Variants in SALL4 observed in about 807,000 individuals in gnomAD.
SALL4 encodes spalt like transcription factor 4, also known as sal-like protein 4.
SALL4 carries 4 observed loss-of-function variants against 60.8 expected under a neutral mutation model. That is an observed-to-expected ratio of 0.07 (90% CI 0.03 to 0.15). SALL4 has a LOEUF of 0.15. SALL4 is among the 10% of genes least tolerant of loss of function. The probability of loss-of-function intolerance (pLI) is 1.00; values close to 1 mark genes in which losing one functional copy is unlikely to be tolerated. For synonymous variants in SALL4, 580 were observed against 574.9 expected, an observed-to-expected ratio of 1.01 and a Z score of -0.13; for missense variants, 1,178 against 1,394.7, an observed-to-expected ratio of 0.84 and a Z score of 2.48.
rs1165905764 is a variant in SALL4, at chr20:51,783,780, TGGGAGGCCAA to T, written c.*475_*484del. 6.0e-6 allele frequency: 1 copy of T among 167,252 alleles called. No homozygotes were observed. The highest frequency in any genetic ancestry group is 5.6e-5 in the Admixed American group (1 of 17,906). The allele number at this position is 167,252 out of a possible 1,614,324, so 10.4% of individuals were successfully genotyped here. A position where few individuals can be genotyped will look rare whatever the true frequency, so the allele number is the denominator to read the frequency against. ...GCTCATGCCTGTAATCCCAGCACTT[TGGGAGGCCAA>T]GGCGGGTGGATCACGAGGTCAGCAG... On this transcript the variant is annotated 3_prime_UTR_variant, in exon 4 of 4. Transcript: ENST00000217086.
chr20:51,794,359 G>C (rs933318143), intron 1 of SALL4, among the ~76,000 whole-genome samples: 12 of 152,158 alleles, frequency 7.9e-5, no homozygotes, highest in Non-Finnish European at 1.8e-4. Flanking sequence ...TTCGAAACCA[G>C]CCTGACCAAT....
chr20:51,802,196 G>T (rs1213905170), intron 1 of SALL4, 83 bp downstream of exon 1: 3 of 1,469,650 alleles, frequency 2.0e-6, no homozygotes, highest in Non-Finnish European at 2.7e-6. Context: ...GACGCCGCCC[G>T]CTCCCCGAAG....
intron 1 of SALL4, among the ~76,000 whole-genome samples, chr20:51,794,027 G>T (rs983655832): frequency 2.0e-5 from 3 of 152,206 alleles, no homozygotes; most frequent in Non-Finnish European, 4.4e-5. Flanking sequence ...CTGGGCACGC[G>T]TAATCGCGAG....
chr20:51,784,392 G>A lies in SALL4; in HGVS notation c.3035C>T (p.Thr1012Ile). The change falls in exon 4 of 4, where the codon ACT (threonine) becomes ATT (isoleucine). Residue 1012 changes from threonine (T) to isoleucine (I), a missense_variant. Physicochemically the swap from Thr to Ile is moderately conservative, Grantham distance 89 (BLOSUM62 -1). Coordinates refer to ENST00000217086, the MANE Select transcript of SALL4 (RefSeq NM_020436.5). ...LGATSVVNNA[T>I]VSKMDGSQSG... Reference sequence around the variant, plus strand: ...CTGGGAGCCATCCATCTTGGAGACAGTGGCGTTATTCACAACGGAGGTGGC... The same window carrying A: ...CTGGGAGCCATCCATCTTGGAGACAATGGCGTTATTCACAACGGAGGTGGC... 4.3e-6 allele frequency: 7 copies of A among 1,614,222 alleles called. No homozygotes were observed. The highest frequency in any genetic ancestry group is 5.9e-6 in the Non-Finnish European group (7 of 1,180,038).
At chr20:51,800,044 G>T (rs977324411) in intron 1 of SALL4, among the ~76,000 whole-genome samples, 1 of 152,106 alleles carries the variant, frequency 6.6e-6, no homozygotes, top group Non-Finnish European at 1.5e-5. Flanking sequence ...CATTAAAAAC[G>T]CACTGCTTGG....
intron 1 of SALL4, among the ~76,000 whole-genome samples, chr20:51,797,995 A>G (rs543409128): frequency 7.2e-4 from 109 of 152,284 alleles, no homozygotes; most frequent in African/African-American, 2.5e-3. Flanking sequence ...TAGATTATCT[A>G]AAGCACACAA....
Position 51,802,269 on chromosome 20 carries a change from C to A in SALL4, c.130+10G>T, listed in dbSNP as rs745351123. On this transcript the variant is annotated intron_variant, in intron 1 of 3. Transcript: ENST00000217086. ...TCCCCTCCCCGGGCGGGCGCCCCAG[C>A]CCCACTCACCCAGCTCCCCCGCCGC... The A allele has an allele frequency of 2.5e-6, 4 of 1,597,292 alleles. No homozygotes were observed. In the South Asian group the frequency reaches 4.5e-5, roughly 18 times the overall value.
intron 1 of SALL4, among the ~76,000 whole-genome samples, chr20:51,799,905 C>T (rs1006359916): frequency 2.0e-5 from 3 of 152,110 alleles, no homozygotes; most frequent in Non-Finnish European, 2.9e-5. Context: ...AAAATAAGAC[C>T]AGCTCAATCT....
intron 1 of SALL4, among the ~76,000 whole-genome samples, chr20:51,793,704 C>T (rs1202259473): frequency 2.0e-5 from 3 of 152,204 alleles, no homozygotes; most frequent in African/African-American, 4.8e-5. Context: ...GCTCGGATTA[C>T]AGGCATGAGC....
chr20:51,798,220 C>G (rs2078089912), intron 1 of SALL4, among the ~76,000 whole-genome samples: 1 of 152,160 alleles, frequency 6.6e-6, no homozygotes, highest in African/African-American at 2.4e-5. Context: ...TTTCAAACAG[C>G]CTTGAACCAA....
intron 2 of SALL4, 152 bp from the exon 3 acceptor site, chr20:51,789,293 T>C: frequency 2.3e-6 from 2 of 860,856 alleles, no homozygotes; most frequent in Non-Finnish European, 3.5e-6. Flanking sequence ...CTTTGAATTG[T>C]TTATCTGCAC....
rs1194100827 is a variant in SALL4, at chr20:51,801,973, G to A, written c.130+306C>T. Among the ~76,000 whole-genome samples, 2 of 151,938 alleles carry A rather than the reference G, an allele frequency of 1.3e-5. No individual in the cohort carries two copies. The highest frequency in any genetic ancestry group is 2.9e-5 in the Non-Finnish European group (2 of 67,974). The stretch of plus-strand genomic sequence containing the variant: ...TGGAACCAATTAAGTGAGGGGCAGA[G>A]GACAAGGAGAAGGGAACCTTTCGGG... On this transcript the variant is annotated intron_variant, in intron 1 of 3. Coordinates refer to ENST00000217086, the MANE Select transcript of SALL4 (RefSeq NM_020436.5). The surrounding 1 kb of genome is among the most constrained non-coding windows in gnomAD (Gnocchi z 5.2).
rs1461759760 is a variant in SALL4, at chr20:51,791,283, G to A, written c.1200C>T (p.His400=). Residue 400 remains histidine (H), a synonymous_variant, in exon 2 of 4, where the codon CAC becomes CAT. Coordinates refer to ENST00000217086, the MANE Select transcript of SALL4 (RefSeq NM_020436.5). This position sits in a 1 kb window ranked among gnomAD's most constrained non-coding sequence, Gnocchi z 4.6. ...VFGTDSSLQI[H]LRSHTGERPF... is the part of the protein sequence containing the mutation. ...GTCTCTCTCCAGTGTGGGAGCGGAG[G>A]TGGATCTGCAAGGAGCTATCAGTCC... 4 of 1,614,122 alleles carry A rather than the reference G, an allele frequency of 2.5e-6. No individual in the cohort carries two copies. Among genetic ancestry groups the A allele is most frequent in the Non-Finnish European group, 3.4e-6 (4 of 1,180,032 alleles).
intron 1 of SALL4, among the ~76,000 whole-genome samples, chr20:51,793,724 C>T (rs969908851): frequency 6.6e-5 from 10 of 152,204 alleles, no homozygotes; most frequent in African/African-American, 2.2e-4. Flanking sequence ...CCACCGTGCC[C>T]AGCCAAAGCC....
In SALL4 at chr20:51,788,824, C is replaced by T. The variant is rs750902697; in HGVS notation, c.2742+37G>A. ...GTGCCAATAAGAAGACACCTGGTGCCTAGCCCCCATCCTGCTGAAAGCCCA... is the reference window on the plus strand; with the variant it reads ...GTGCCAATAAGAAGACACCTGGTGCTTAGCCCCCATCCTGCTGAAAGCCCA... On this transcript the variant is annotated intron_variant, in intron 3 of 3. Transcript: ENST00000217086. This position sits in a 1 kb window ranked among gnomAD's most constrained non-coding sequence, Gnocchi z 4.1. 6.2e-7 allele frequency: 1 copy of T among 1,611,410 alleles called. No homozygotes were observed.
At chr20:51,785,649 TCCTTTTTTTTTTGAGA>T (rs1447371155) in intron 3 of SALL4, among the ~76,000 whole-genome samples, 2 of 151,794 alleles carry the variant, frequency 1.3e-5, no homozygotes, top group African/African-American at 4.8e-5. Flanking sequence ...TTTTTTTGAG[TCCTTTTTTTTTTGAGA>T]CGGAGTCTCG....
In SALL4 at chr20:51,788,323, T is replaced by TTGTGTGTGTGTG. The variant is rs3030173; in HGVS notation, c.2742+526_2742+537dup. ...GCATGCAACACCATGCCCAACTAATTTGTGTGTGTGTGTGTGTGTGTGTGT... is the reference window on the plus strand; with the variant it reads ...GCATGCAACACCATGCCCAACTAATTTGTGTGTGTGTGTGTGTGTGTGTGTGTGTGTGTGTGT... On this transcript the variant is annotated intron_variant, in intron 3 of 3. Coordinates refer to ENST00000217086, the MANE Select transcript of SALL4 (RefSeq NM_020436.5). The surrounding 1 kb of genome is among the most constrained non-coding windows in gnomAD (Gnocchi z 4.1). Among the ~76,000 whole-genome samples the TTGTGTGTGTGTG allele has an allele frequency of 6.4e-4, 91 of 141,936 alleles. No individual in the cohort carries two copies. Among genetic ancestry groups the TTGTGTGTGTGTG allele is most frequent in the African/African-American group, 2.4e-3 (90 of 37,894 alleles). 93.1% of individuals were successfully genotyped at this position (141,936 alleles called of 152,430 possible).
intron 1 of SALL4, among the ~76,000 whole-genome samples, chr20:51,798,043 A>G (rs77628156): frequency 0.023 from 3,445 of 152,282 alleles, 94 homozygotes; most frequent in East Asian, 0.09. Context: ...ATAATTGCTT[A>G]CCAAAAAACA....
At chr20:51,785,454 C>A (rs770705113) in intron 3 of SALL4, among the ~76,000 whole-genome samples, 24 of 152,178 alleles carry the variant, frequency 1.6e-4, no homozygotes, top group Admixed American at 2.0e-4. Context: ...CATCTTAAGT[C>A]AGGGACTGTC....
Sources: allele counts gnomAD v4.1 joint callset (sites outside exome capture counted in the v4.1 genomes callset), GRCh38; gene constraint gnomAD v4.1.1; non-coding constraint Gnocchi (gnomAD v3.1); transcripts MANE v1.5; gene names NCBI Gene and HGNC (gene_info 2026-07-23, HGNC 2026-07-21).